The following RYR3 variants were observed in gnomAD, a reference collection of about 807,000 sequenced individuals.
The protein encoded by RYR3 is ryanodine receptor 3, also known as brain ryanodine receptor-calcium release channel.
A neutral mutation model predicts 584.3 loss-of-function variants in RYR3; 207 were observed. That is an observed-to-expected ratio of 0.35 (90% CI 0.32 to 0.40). RYR3 has a LOEUF of 0.40. Among genes scored for constraint, RYR3 ranks in the 10% least tolerant of loss-of-function variants. The pLI is 1.00. For missense variants in RYR3, 5,616 were observed against 6,089.2 expected, an observed-to-expected ratio of 0.92 and a Z score of 2.59; for synonymous variants, 2,416 against 2,248.5, an observed-to-expected ratio of 1.07 and a Z score of -2.11.
chr15:33,563,053 T>G, intron 11 of RYR3, 43 bp downstream of exon 11: 1 of 1,504,388 alleles, frequency 6.6e-7, no homozygotes, highest in South Asian at 1.2e-5. Context: ...TACCCTGAGT[T>G]GGAAGCAACT....
intron 1 of RYR3, among the ~76,000 whole-genome samples, chr15:33,427,762 T>G (rs1474904009): frequency 1.3e-5 from 2 of 152,174 alleles, no homozygotes; most frequent in African/African-American, 4.8e-5. Flanking sequence ...AGGTTGAGAT[T>G]GGTGAATATA....
chr15:33,615,054 AG>A (rs1388521806), intron 19 of RYR3, among the ~76,000 whole-genome samples: 1 of 152,152 alleles, frequency 6.6e-6, no homozygotes, highest in Non-Finnish European at 1.5e-5. Flanking sequence ...AATGTCTGTA[AG>A]GCAAAACCCC....
Position 33,503,679 on chromosome 15 carries a change from C to G in RYR3, c.220C>G (p.Leu74Val). ...CTGCAATTTTGTGCTGGAACAGTCC[C>G]TATCTGTCAGAGCCCTGCAGGAAAT... is the stretch of plus-strand genomic sequence containing the variant. ...CVCNFVLEQSLSVRALQEMLA... is the reference protein window; with the variant it reads ...CVCNFVLEQSVSVRALQEMLA... Residue 74 changes from leucine to valine, a missense_variant, in exon 3 of 104, where the codon CTA (leucine) becomes GTA (valine). Leu to Val is a conservative substitution (Grantham distance 32). This residue lies in a region of RYR3 where 1,284 missense variants were observed against 1,344.6 expected (regional missense o/e 0.95). Coordinates refer to ENST00000634891, the MANE Select transcript of RYR3 (RefSeq NM_001036.6). The G allele has an allele frequency of 6.2e-7, 1 of 1,613,384 alleles. No homozygotes were observed. The highest frequency in any genetic ancestry group is 8.5e-7 in the Non-Finnish European group (1 of 1,179,720).
chr15:33,523,025 T>TGA (rs1327188574), intron 3 of RYR3, among the ~76,000 whole-genome samples: 3 of 152,128 alleles, frequency 2.0e-5, no homozygotes, highest in Admixed American at 2.0e-4. Context: ...CTAGCCCTAT[T>TGA]GAGAGGTGAA....
intron 75 of RYR3, 59 bp downstream of exon 75, chr15:33,817,017 C>A: frequency 9.8e-7 from 1 of 1,022,918 alleles, no homozygotes; most frequent in South Asian, 1.4e-5. Flanking sequence ...TTTTCGAATT[C>A]ATGTGTGTGG....
intron 67 of RYR3, among the ~76,000 whole-genome samples, chr15:33,793,699 A>G (rs1253528025): frequency 6.6e-6 from 1 of 151,994 alleles, no homozygotes; most frequent in African/African-American, 2.4e-5. Context: ...TAAGGTACCC[A>G]TTATAGATAT....
intron 102 of RYR3, 95 bp downstream of exon 102, chr15:33,861,273 C>T (rs561621624): frequency 2.3e-6 from 2 of 872,228 alleles, no homozygotes; most frequent in South Asian, 2.9e-5. Flanking sequence ...AAAGAGTAAC[C>T]AGAAAGGAAC....
At chr15:33,632,777 G>C (rs1472411348) in intron 23 of RYR3, among the ~76,000 whole-genome samples, 172 bp from the exon 24 acceptor site, 19 of 152,182 alleles carry the variant, frequency 1.2e-4, no homozygotes, top group Non-Finnish European at 1.5e-5. Flanking sequence ...TAGATTGGGG[G>C]CTTCATCTAT....
At chr15:33,344,429 G>GTTTTCTAATTAGAAAACT (rs1972191856) in intron 1 of RYR3, among the ~76,000 whole-genome samples, 1 of 152,106 alleles carries the variant, frequency 6.6e-6, no homozygotes. Context: ...ATTGACAAGT[G>GTTTTCTAATTAGAAAACT]GTTTTCTAAT....
At chr15:33,731,412 C>T in intron 47 of RYR3, 62 bp from the exon 48 acceptor site, 3 of 1,245,840 alleles carry the variant, frequency 2.4e-6, no homozygotes, top group South Asian at 1.3e-5. Context: ...GAACTCTGTG[C>T]AGAGCCAGCT....
At chr15:33,356,579 C>T (rs1367005985) in intron 1 of RYR3, among the ~76,000 whole-genome samples, 1 of 152,118 alleles carries the variant, frequency 6.6e-6, no homozygotes, top group East Asian at 1.9e-4. Context: ...TGTATAATCT[C>T]TCTGAATTTT....
chr15:33,382,366 C>T, intron 1 of RYR3, among the ~76,000 whole-genome samples: 1 of 131,886 alleles, frequency 7.6e-6, no homozygotes, highest in Non-Finnish European at 1.5e-5. Flanking sequence ...CTTTGTCGCC[C>T]AGGCTGGAGT....
chr15:33,419,153 C>T (rs917156101), intron 1 of RYR3, among the ~76,000 whole-genome samples: 6 of 152,152 alleles, frequency 3.9e-5, no homozygotes, highest in Admixed American at 3.9e-4. Flanking sequence ...ATGGGAAAAG[C>T]TTCCTGAGGA....
At chr15:33,317,701 G>C (rs1222038238) in intron 1 of RYR3, among the ~76,000 whole-genome samples, 1 of 152,130 alleles carries the variant, frequency 6.6e-6, no homozygotes, top group African/African-American at 2.4e-5. Flanking sequence ...ACAAAGTTCA[G>C]ATCATCTCTG....
chr15:33,500,404 C>T (rs986703447), intron 2 of RYR3, among the ~76,000 whole-genome samples: 1 of 152,126 alleles, frequency 6.6e-6, no homozygotes, highest in African/African-American at 2.4e-5. Context: ...CAATAAGCCC[C>T]AGAAAAATAT....
chr15:33,862,066 TAAAAC>T (rs769567422), intron 102 of RYR3, among the ~76,000 whole-genome samples: 33 of 152,168 alleles, frequency 2.2e-4, no homozygotes, highest in Admixed American at 1.0e-3. Context: ...CTATAAAACT[TAAAAC>T]AGAATGTATA....
intron 36 of RYR3, among the ~76,000 whole-genome samples, chr15:33,667,092 A>G (rs916723112): frequency 6.6e-6 from 1 of 152,220 alleles, no homozygotes. Context: ...CTTACAAACA[A>G]TACCTCTACC....
Position 33,539,286 on chromosome 15 carries a change from A to G in RYR3, c.434-64A>G. 3.8e-6 allele frequency: 4 copies of G among 1,042,596 alleles called. No homozygotes were observed. In the South Asian group the frequency reaches 5.4e-5, roughly 14 times the overall value. 64.6% of individuals were successfully genotyped at this position (1,042,596 alleles called of 1,614,324 possible). A position where few individuals can be genotyped will look rare whatever the true frequency, so the allele number is the denominator to read the frequency against. ...GGTTGTCCTAAGAGGAAGGAGAACA[A>G]GGAGCAAAATTAGGGACACTGGCTT... On this transcript the variant is annotated intron_variant, in intron 5 of 103. Transcript: ENST00000634891.
chr15:33,537,761 C>T (rs984871207), intron 5 of RYR3, among the ~76,000 whole-genome samples: 1 of 152,144 alleles, frequency 6.6e-6, no homozygotes, highest in Non-Finnish European at 1.5e-5. Context: ...GAGTGGGTTT[C>T]TAATCTCTAC....
Sources: allele counts gnomAD v4.1 joint callset (sites outside exome capture counted in the v4.1 genomes callset), GRCh38; gene constraint gnomAD v4.1.1; regional missense constraint gnomAD v4.1.1; transcripts MANE v1.5; gene names NCBI Gene and HGNC (gene_info 2026-07-23, HGNC 2026-07-21).